Variants in CALN1 observed in about 807,000 individuals in gnomAD.
CALN1 encodes calneuron 1.
A neutral mutation model predicts 30.6 loss-of-function variants in CALN1; 17 were observed. The ratio of observed to expected loss-of-function variants is 0.56; its 90% CI spans 0.38 to 0.83. The LOEUF (loss-of-function observed/expected upper bound fraction) is 0.83. Ranked by LOEUF, CALN1 falls within the 40% of genes least tolerant of loss-of-function variation. CALN1 has a pLI of 0.00. For missense variants in CALN1, 291 were observed against 354.9 expected, an observed-to-expected ratio of 0.82 and a Z score of 1.45; for synonymous variants, 156 against 131.4, an observed-to-expected ratio of 1.19 and a Z score of -1.28.
chr7:72,269,307 A>C (rs1339151859), intron 3 of CALN1, among the ~76,000 whole-genome samples: 1 of 152,136 alleles, frequency 6.6e-6, no homozygotes, highest in Admixed American at 6.6e-5. Context: ...TGCTGCACCC[A>C]TTAACTCGTC....
chr7:72,255,763 C>T (rs1360100951), intron 3 of CALN1, among the ~76,000 whole-genome samples: 1 of 150,124 alleles, frequency 6.7e-6, no homozygotes. Flanking sequence ...CAAAGTCTCA[C>T]CCTGTCGCCC....
intron 5 of CALN1, among the ~76,000 whole-genome samples, chr7:71,927,763 G>A (rs895101576): frequency 6.6e-6 from 1 of 152,124 alleles, no homozygotes; most frequent in East Asian, 1.9e-4. Flanking sequence ...TCTTAGGAAG[G>A]CCCTGTGTCC....
At chr7:71,920,330 CTTTTTTT>C (rs71092931) in intron 5 of CALN1, among the ~76,000 whole-genome samples, 63 of 98,744 alleles carry the variant, frequency 6.4e-4, no homozygotes, top group Non-Finnish European at 7.9e-5. Flanking sequence ...CAAATTAGTT[CTTTTTTT>C]TTTTTTTTTT....
intron 3 of CALN1, among the ~76,000 whole-genome samples, chr7:72,253,527 A>C (rs929679995): frequency 1.3e-5 from 2 of 152,248 alleles, no homozygotes; most frequent in Non-Finnish European, 2.9e-5. Context: ...AAGGGAAACA[A>C]GCACATCTTA....
At chr7:72,140,029 G>A (rs1009146451) in intron 3 of CALN1, among the ~76,000 whole-genome samples, 3 of 151,918 alleles carry the variant, frequency 2.0e-5, no homozygotes, top group East Asian at 1.9e-4. Flanking sequence ...TCAGCAATTC[G>A]GGAGACTGAG....
intron 2 of CALN1, among the ~76,000 whole-genome samples, chr7:72,344,531 G>A (rs991741677): frequency 1.3e-5 from 2 of 148,476 alleles, no homozygotes; most frequent in Non-Finnish European, 3.0e-5. Flanking sequence ...ACTAACTCTG[G>A]AGAACAAGTA....
intron 3 of CALN1, among the ~76,000 whole-genome samples, chr7:72,258,907 AAAAGAAAG>A (rs1038076891): frequency 1.3e-5 from 2 of 148,762 alleles, no homozygotes; most frequent in African/African-American, 4.9e-5. Flanking sequence ...TAAAAAAAAA[AAAAGAAAG>A]AAAGAAAGAA....
At chr7:72,367,721 G>C (rs568612514) in intron 2 of CALN1, among the ~76,000 whole-genome samples, 2 of 149,306 alleles carry the variant, frequency 1.3e-5, no homozygotes, top group Non-Finnish European at 3.0e-5. Context: ...TGTGGTCCCA[G>C]CTATTCAGGA....
chr7:71,831,019 C>G (rs73362107), intron 5 of CALN1, among the ~76,000 whole-genome samples: 13,072 of 152,014 alleles, frequency 0.086, 1,914 homozygotes, highest in African/African-American at 0.3. Context: ...AAATGAATCA[C>G]CTAAGTTCTC....
chr7:72,253,006 A>C (rs551848949), intron 3 of CALN1, among the ~76,000 whole-genome samples: 1 of 152,308 alleles, frequency 6.6e-6, no homozygotes, highest in South Asian at 2.1e-4. Flanking sequence ...TCATTTTTAC[A>C]AGTGGGGAAA....
At chr7:72,363,067 A>G (rs770916249) in intron 2 of CALN1, among the ~76,000 whole-genome samples, 2 of 152,220 alleles carry the variant, frequency 1.3e-5, no homozygotes, top group African/African-American at 2.4e-5. Flanking sequence ...GTACATGTGA[A>G]GATTTGTTAT....
At chr7:71,897,257 G>A (rs1793580889) in intron 5 of CALN1, among the ~76,000 whole-genome samples, 1 of 152,168 alleles carries the variant, frequency 6.6e-6, no homozygotes, top group African/African-American at 2.4e-5. Flanking sequence ...TATTTCAGAA[G>A]TATTTTAGTG....
At chr7:72,164,607 T>C (rs1266446149) in intron 3 of CALN1, among the ~76,000 whole-genome samples, 1 of 152,174 alleles carries the variant, frequency 6.6e-6, no homozygotes, top group African/African-American at 2.4e-5. Flanking sequence ...TGACACTGTT[T>C]TAAGCCACTC....
chr7:72,244,147 G>T (rs1482511339), intron 3 of CALN1, among the ~76,000 whole-genome samples: 1 of 152,202 alleles, frequency 6.6e-6, no homozygotes, highest in African/African-American at 2.4e-5. Flanking sequence ...CTCCAGAAAA[G>T]AACCTAAAGT....
chr7:72,322,372 C>T (rs957398045), intron 2 of CALN1, among the ~76,000 whole-genome samples: 2 of 152,112 alleles, frequency 1.3e-5, no homozygotes, highest in East Asian at 3.9e-4. Context: ...AGCACCGCTC[C>T]CTTCCCCACC....
chr7:72,268,566 G>T (rs1796745736), intron 3 of CALN1, among the ~76,000 whole-genome samples: 2 of 152,122 alleles, frequency 1.3e-5, no homozygotes, highest in Admixed American at 6.5e-5. Flanking sequence ...AACACTTTGG[G>T]AGGATGAGGC....
chr7:72,073,002 C>CT (rs1181966723), intron 4 of CALN1, among the ~76,000 whole-genome samples: 1 of 152,042 alleles, frequency 6.6e-6, no homozygotes, highest in East Asian at 1.9e-4. Context: ...GGACAAAAAG[C>CT]TTTAAGACAC....
intron 2 of CALN1, among the ~76,000 whole-genome samples, chr7:72,300,407 A>C (rs1473646828): frequency 2.0e-5 from 3 of 151,968 alleles, no homozygotes; most frequent in Non-Finnish European, 4.4e-5. Flanking sequence ...ATTTTTAATG[A>C]ACAACAACAA....
chr7:71,918,385 A>T (rs1794785031), intron 5 of CALN1, among the ~76,000 whole-genome samples: 1 of 152,194 alleles, frequency 6.6e-6, no homozygotes, highest in Non-Finnish European at 1.5e-5. Flanking sequence ...CTAAGACTGA[A>T]ATTCAGCAAA....
Sources: allele counts gnomAD v4.1 joint callset (sites outside exome capture counted in the v4.1 genomes callset), GRCh38; gene constraint gnomAD v4.1.1; transcripts MANE v1.5; gene names NCBI Gene and HGNC (gene_info 2026-07-23, HGNC 2026-07-21).